Variants in RBFOX1 observed in about 807,000 individuals in gnomAD.
RBFOX1 encodes RNA binding fox-1 homolog 1.
Under a neutral mutation model 57.7 loss-of-function variants are expected in RBFOX1, and 8 were observed. That is an observed-to-expected ratio of 0.14 (90% CI 0.08 to 0.25). The LOEUF is 0.25. Among genes scored for constraint, RBFOX1 ranks in the 10% least tolerant of loss-of-function variants. RBFOX1 has a pLI of 1.00. For missense variants in RBFOX1, 611 were observed against 548.5 expected (o/e 1.11, Z -1.14); for synonymous variants, 326 against 222.4 (o/e 1.47, Z -4.15).
intron 15 of RBFOX1, chr16:7,709,624 G>T (rs529051729): frequency 2.2e-5 from 33 of 1,531,332 alleles, no homozygotes; most frequent in Admixed American, 5.9e-5. Context: ...AGTCATAGTC[G>T]CCCAGGAAAG....
Position 6,433,690 on chromosome 16 carries a change from C to T in RBFOX1, c.-64+116633C>T, listed in dbSNP as rs554044773. On this transcript the variant is annotated intron_variant, in intron 2 of 15. Transcript: ENST00000550418. ...AGGGCTCAGTTTCTTCCGGAGGCTC[C>T]AGGGAAGAATCTGTTTTCTTGCTTT... Among the ~76,000 whole-genome samples, 4 of 152,158 alleles carry T rather than the reference C, an allele frequency of 2.6e-5. No homozygotes were observed. The South Asian group carries it at 8.3e-4, about 32-fold the overall frequency.
At chr16:5,289,998 G>A (rs13333068) in intron 1 of RBFOX1, among the ~76,000 whole-genome samples, 68,060 of 152,138 alleles carry the variant, frequency 0.45, 15,633 homozygotes, top group East Asian at 0.59. Flanking sequence ...TGAGTGGAGA[G>A]ATGGAACATG....
At chr16:5,731,804 A>C (rs1037770227) in intron 3 of RBFOX1, among the ~76,000 whole-genome samples, 1 of 152,186 alleles carries the variant, frequency 6.6e-6, no homozygotes, top group Admixed American at 6.5e-5. Context: ...GAAATCTTAG[A>C]CAATTTTCCA....
chr16:6,152,190 G>C (rs1355657770), intron 1 of RBFOX1, among the ~76,000 whole-genome samples: 1 of 152,138 alleles, frequency 6.6e-6, no homozygotes, highest in East Asian at 1.9e-4. Context: ...GCATAATATT[G>C]TCTGAGTCAA....
intron 4 of RBFOX1, among the ~76,000 whole-genome samples, chr16:5,876,201 G>T (rs1230069411): frequency 6.6e-6 from 1 of 152,012 alleles, no homozygotes; most frequent in Non-Finnish European, 1.5e-5. Context: ...CAAATGGGGG[G>T]AAAAACAGCT....
intron 2 of RBFOX1, among the ~76,000 whole-genome samples, chr16:6,380,330 G>C (rs557401892): frequency 6.7e-6 from 1 of 150,320 alleles, no homozygotes; most frequent in South Asian, 2.1e-4. Context: ...GGCAGCAAAG[G>C]GAACACTGGA....
chr16:6,819,681 G>T (rs2090885520), intron 3 of RBFOX1, among the ~76,000 whole-genome samples: 1 of 112,970 alleles, frequency 8.9e-6, no homozygotes, highest in African/African-American at 3.7e-5. Flanking sequence ...TTCCAGCCTG[G>T]GCAACAAGAG....
At chr16:7,406,414 G>T (rs954218109) in intron 4 of RBFOX1, among the ~76,000 whole-genome samples, 1 of 152,170 alleles carries the variant, frequency 6.6e-6, no homozygotes, top group African/African-American at 2.4e-5. Flanking sequence ...ACGTATGGGA[G>T]CCTTGTTTTC....
chr16:5,313,267 C>CCCAAAT (rs2064141082), intron 1 of RBFOX1, among the ~76,000 whole-genome samples: 1 of 152,092 alleles, frequency 6.6e-6, no homozygotes, highest in South Asian at 2.1e-4. Context: ...CTCCAAAGTC[C>CCCAAAT]TCTGGGAGGT....
intron 5 of RBFOX1, among the ~76,000 whole-genome samples, chr16:7,524,227 A>C (rs940946819): frequency 6.6e-6 from 1 of 152,226 alleles, no homozygotes; most frequent in African/African-American, 2.4e-5. Flanking sequence ...ATATATGCAC[A>C]TGATTTAACA....
At chr16:7,050,277 T>C (rs1336224687) in intron 3 of RBFOX1, among the ~76,000 whole-genome samples, 2 of 149,622 alleles carry the variant, frequency 1.3e-5, no homozygotes, top group African/African-American at 5.0e-5. Context: ...TTTTTTTTTT[T>C]CTTTTGAGAT....
At chr16:6,092,985 A>G (rs777355231) in intron 1 of RBFOX1, 1 of 152,234 alleles carries the variant, frequency 6.6e-6, no homozygotes, top group African/African-American at 2.4e-5. Context: ...CCTGGGTGAC[A>G]GAATAATCTA....
intron 1 of RBFOX1, among the ~76,000 whole-genome samples, chr16:6,216,662 A>AT (rs1334865826): frequency 3.3e-5 from 5 of 151,986 alleles, no homozygotes; most frequent in African/African-American, 9.7e-5. Context: ...TTCTTTCTTT[A>AT]TTTTTTATTT....
intron 1 of RBFOX1, among the ~76,000 whole-genome samples, chr16:6,253,538 T>A (rs1251906462): frequency 6.6e-6 from 1 of 151,992 alleles, no homozygotes; most frequent in Non-Finnish European, 1.5e-5. Flanking sequence ...TTTTGCACTT[T>A]TATAACCACA....
chr16:6,107,777 A>G (rs2096400052), intron 1 of RBFOX1, among the ~76,000 whole-genome samples: 1 of 151,844 alleles, frequency 6.6e-6, no homozygotes. Flanking sequence ...GGGTGGATGG[A>G]TGGATGGGTG....
chr16:5,692,851 C>G (rs546391737), intron 3 of RBFOX1, among the ~76,000 whole-genome samples: 11 of 152,202 alleles, frequency 7.2e-5, no homozygotes, highest in Admixed American at 7.2e-4. Context: ...TGAGACCATA[C>G]CTGGAAGGCA....
intron 1 of RBFOX1, among the ~76,000 whole-genome samples, chr16:5,268,923 T>A (rs556434266): frequency 2.6e-5 from 4 of 152,218 alleles, no homozygotes; most frequent in African/African-American, 9.6e-5. Flanking sequence ...CTCTATTTTT[T>A]TTTTTTTTTG....
intron 2 of RBFOX1, among the ~76,000 whole-genome samples, chr16:6,359,235 G>T (rs894166371): frequency 1.3e-5 from 2 of 152,062 alleles, no homozygotes; most frequent in Admixed American, 6.6e-5. Flanking sequence ...TGGGATGACG[G>T]GTGTGTACCA....
At chr16:6,515,072 T>G (rs1489448198) in intron 2 of RBFOX1, among the ~76,000 whole-genome samples, 1 of 152,024 alleles carries the variant, frequency 6.6e-6, no homozygotes, top group Non-Finnish European at 1.5e-5. Context: ...AAGAAAAGAA[T>G]GGAAGGAAGG....
Sources: allele counts gnomAD v4.1 joint callset (sites outside exome capture counted in the v4.1 genomes callset), GRCh38; gene constraint gnomAD v4.1.1; transcripts MANE v1.5; gene names NCBI Gene and HGNC (gene_info 2026-07-23, HGNC 2026-07-21).